GABRB1: variants seen among roughly 807,000 people sequenced by gnomAD.
GABRB1 encodes the protein gamma-aminobutyric acid type A receptor subunit beta1.
In GABRB1, 17 loss-of-function variants were observed where a neutral mutation model predicts 51.6. The ratio of observed to expected loss-of-function variants is 0.33; its 90% CI spans 0.23 to 0.49. The LOEUF is 0.49. GABRB1 is among the 20% of genes least tolerant of loss of function. The pLI, the probability that GABRB1 is intolerant of heterozygous loss-of-function variation, is 0.99. For missense variants in GABRB1, 410 were observed against 600.6 expected (o/e 0.68, Z 3.32); for synonymous variants, 247 against 218.9 (o/e 1.13, Z -1.14).
At chr4:47,313,778 G>T (rs1248076054) in intron 4 of GABRB1, among the ~76,000 whole-genome samples, 1 of 152,088 alleles carries the variant, frequency 6.6e-6, no homozygotes, top group Non-Finnish European at 1.5e-5. Flanking sequence ...ATGTGCTTGT[G>T]TGGGAGGCCC....
intron 3 of GABRB1, among the ~76,000 whole-genome samples, chr4:47,047,870 A>C (rs893122372): frequency 6.6e-6 from 1 of 152,160 alleles, no homozygotes; most frequent in Admixed American, 6.5e-5. Context: ...TGAGAAGGAA[A>C]TGAAGTTTAA....
intron 3 of GABRB1, among the ~76,000 whole-genome samples, chr4:47,099,048 T>C (rs188939517): frequency 5.9e-5 from 9 of 152,182 alleles, no homozygotes; most frequent in Non-Finnish European, 1.2e-4. Context: ...TAATACAAAG[T>C]ATACAGTACT....
chr4:47,393,333 G>A (rs528362296), intron 5 of GABRB1, among the ~76,000 whole-genome samples: 7 of 152,284 alleles, frequency 4.6e-5, no homozygotes, highest in South Asian at 2.1e-4. Flanking sequence ...AGAGCCTAGT[G>A]GGGGAAAGAC....
intron 4 of GABRB1, among the ~76,000 whole-genome samples, chr4:47,191,549 T>G (rs1259245353): frequency 1.3e-5 from 2 of 152,124 alleles, no homozygotes; most frequent in African/African-American, 4.8e-5. Flanking sequence ...GAAAGCTGAG[T>G]AGAATGAGAC....
chr4:47,068,960 C>T (rs1032341206), intron 3 of GABRB1, among the ~76,000 whole-genome samples: 7 of 152,144 alleles, frequency 4.6e-5, no homozygotes, highest in Admixed American at 3.3e-4. Flanking sequence ...TGGCTTTCTC[C>T]AAAGACTGAT....
At chr4:47,226,094 A>T (rs573477985) in intron 4 of GABRB1, among the ~76,000 whole-genome samples, 4 of 152,150 alleles carry the variant, frequency 2.6e-5, no homozygotes, top group Non-Finnish European at 5.9e-5. Context: ...AGTTCTAGGT[A>T]TTGTGAATAC....
chr4:47,177,369 A>G (rs1718744663), intron 4 of GABRB1, among the ~76,000 whole-genome samples: 1 of 152,102 alleles, frequency 6.6e-6, no homozygotes, highest in Non-Finnish European at 1.5e-5. Context: ...CCTGAAAAAG[A>G]GCCTAGCTAC....
At chr4:47,285,595 T>C (rs1723478585) in intron 4 of GABRB1, among the ~76,000 whole-genome samples, 1 of 152,120 alleles carries the variant, frequency 6.6e-6, no homozygotes, top group Admixed American at 6.6e-5. Context: ...ACAGCAGGAG[T>C]TGGTTCCTAG....
intron 4 of GABRB1, among the ~76,000 whole-genome samples, chr4:47,216,650 G>T (rs1720565295): frequency 6.6e-6 from 1 of 151,912 alleles, no homozygotes; most frequent in African/African-American, 2.4e-5. Context: ...ATAGTCGTAT[G>T]ATAAGGTCAA....
At chr4:47,114,885 G>A (rs997065138) in intron 3 of GABRB1, among the ~76,000 whole-genome samples, 2 of 152,180 alleles carry the variant, frequency 1.3e-5, no homozygotes, top group Non-Finnish European at 2.9e-5. Context: ...TGCACGCTAA[G>A]CTGGTCCACT....
rs557543682 is a variant in GABRB1 at position 47,245,057 on chromosome 4, G to T, written c.462-75070G>T. The stretch of plus-strand genomic sequence containing the variant: ...ATTCAAAAAATCCGTGAATCCAGGA[G>T]CTGGTTTTTTGAAAAGATCAACAAA... On this transcript the variant is annotated intron_variant, in intron 4 of 8. Transcript: ENST00000295454. 5.9e-5 allele frequency among the ~76,000 whole-genome samples: 9 copies of T among 152,292 alleles called. No individual in the cohort carries two copies. The East Asian group carries it at 1.7e-3, about 29-fold the overall frequency.
At chr4:47,333,193 TTTATATATATATATATA>T (rs1725556862) in intron 5 of GABRB1, among the ~76,000 whole-genome samples, 10 of 1,224 alleles carry the variant, frequency 8.2e-3, no homozygotes, top group Non-Finnish European at 0.018. Context: ...ACCCATTTTA[TTTATATATATATATATA>T]TATATATATA....
chr4:47,192,567 AT>A (rs1248635248), intron 4 of GABRB1, among the ~76,000 whole-genome samples: 1 of 152,200 alleles, frequency 6.6e-6, no homozygotes, highest in African/African-American at 2.4e-5. Context: ...CAAAAAATAT[AT>A]AGTAGTTTTA....
intron 4 of GABRB1, among the ~76,000 whole-genome samples, chr4:47,309,328 G>C (rs1438064728): frequency 1.3e-5 from 2 of 151,848 alleles, no homozygotes; most frequent in Non-Finnish European, 2.9e-5. Context: ...TTATAAAGTG[G>C]TTCATGAATC....
At chr4:47,222,757 A>T (rs1245140614) in intron 4 of GABRB1, among the ~76,000 whole-genome samples, 1 of 152,134 alleles carries the variant, frequency 6.6e-6, no homozygotes, top group Non-Finnish European at 1.5e-5. Flanking sequence ...GCCACTACAC[A>T]TTGGAGTAAT....
intron 3 of GABRB1, among the ~76,000 whole-genome samples, chr4:47,132,034 AAC>A (rs1396685954): frequency 1.3e-5 from 2 of 152,102 alleles, no homozygotes; most frequent in Admixed American, 6.5e-5. Context: ...TGTTTTTTTA[AAC>A]AGTTTTATTT....
intron 8 of GABRB1, among the ~76,000 whole-genome samples, chr4:47,414,963 C>T (rs745897458): frequency 6.6e-6 from 1 of 152,204 alleles, no homozygotes; most frequent in Non-Finnish European, 1.5e-5. Context: ...TACCTAGCAT[C>T]CAGAATTTCT....
At chr4:47,305,476 A>G (rs112181657) in intron 4 of GABRB1, among the ~76,000 whole-genome samples, 2,419 of 152,170 alleles carry the variant, frequency 0.016, 48 homozygotes, top group African/African-American at 0.052. Context: ...CTTAGTTTCC[A>G]TATTAATTTC....
At chr4:47,032,137 C>CAT in intron 2 of GABRB1, 132 bp downstream of exon 2, 1 of 655,802 alleles carries the variant, frequency 1.5e-6, no homozygotes, top group South Asian at 1.9e-5. Context: ...GGCACACACA[C>CAT]ACACACACAC....
Sources: gnomAD v4.1 joint callset for allele counts (sites outside exome capture counted in the v4.1 genomes callset) on GRCh38, gnomAD v4.1.1 for gene constraint, MANE v1.5 for transcripts, NCBI Gene and HGNC (gene_info 2026-07-23, HGNC 2026-07-21) for gene names.